The following DST variants were observed in gnomAD, a reference collection of about 807,000 sequenced individuals.
DST encodes the protein bullous pemphigoid antigen.
A neutral mutation model predicts 875.2 loss-of-function variants in DST; 253 were observed. That is an observed-to-expected ratio of 0.29 (90% CI 0.26 to 0.32). The LOEUF is 0.32. Ranked by LOEUF, DST falls within the 10% of genes least tolerant of loss-of-function variation. The pLI is 1.00. For synonymous variants in DST, 3,124 were observed against 3,197.1 expected (o/e 0.98, Z 0.77); for missense variants, 8,287 against 9,111.6 (o/e 0.91, Z 3.68).
chr6:56,476,046 T>G (rs2095174351), intron 92 of DST, 103 bp downstream of exon 92: 2 of 1,063,766 alleles, frequency 1.9e-6, no homozygotes, highest in African/African-American at 3.2e-5. Context: ...TCTGAAGAAG[T>G]GAAAATAACG....
chr6:56,535,173 C>T lies in DST; in HGVS notation c.16890G>A (p.Lys5630=). The T allele has an allele frequency of 2.5e-6, 4 of 1,613,866 alleles. No individual in the cohort carries two copies. Among genetic ancestry groups the T allele is most frequent in the South Asian group, 2.2e-5 (2 of 91,034 alleles). Reference sequence around the variant, plus strand: ...CCACTTTGAACTCAGCCGACGGGGGCTTCTGATTGGCCACAAGCTCCTCAG... The same window carrying T: ...CCACTTTGAACTCAGCCGACGGGGGTTTCTGATTGGCCACAAGCTCCTCAG... The part of the protein sequence containing the change: ...VDTEELVANQ[K]PPSAEFKVVK... Residue 5630 remains lysine (K), a synonymous_variant, in exon 63 of 104, where the codon AAG becomes AAA. Transcript: ENST00000680361.
intron 101 of DST, 150 bp from the exon 102 acceptor site, chr6:56,463,306 C>T (rs1259155134): frequency 1.6e-6 from 1 of 615,608 alleles, no homozygotes; most frequent in Non-Finnish European, 2.8e-6. Context: ...ATCATACACA[C>T]CAAAAAAATG....
At chr6:56,686,019 T>C (rs2099183874) in intron 9 of DST, among the ~76,000 whole-genome samples, 1 of 152,172 alleles carries the variant, frequency 6.6e-6, no homozygotes, top group Non-Finnish European at 1.5e-5. Context: ...CTAGTCACAA[T>C]AGCAAAGACA....
chr6:56,745,191 G>T (rs1364965798), intron 4 of DST, among the ~76,000 whole-genome samples: 14 of 152,170 alleles, frequency 9.2e-5, no homozygotes, highest in South Asian at 2.1e-4. Flanking sequence ...CTCCATAGGT[G>T]AAAGTATACA....
intron 93 of DST, among the ~76,000 whole-genome samples, chr6:56,472,701 T>A (rs1162481387): frequency 1.3e-5 from 2 of 152,148 alleles, no homozygotes; most frequent in African/African-American, 4.8e-5. Context: ...GCAAGACACT[T>A]CACAAATGCC....
At chr6:56,704,724 G>A (rs1357937905) in intron 5 of DST, among the ~76,000 whole-genome samples, 1 of 152,180 alleles carries the variant, frequency 6.6e-6, no homozygotes, top group Non-Finnish European at 1.5e-5. Context: ...ACAAGAGGGT[G>A]GAGTTTTCAC....
intron 4 of DST, among the ~76,000 whole-genome samples, chr6:56,786,267 G>A (rs2099705297): frequency 6.6e-6 from 1 of 152,132 alleles, no homozygotes; most frequent in Admixed American, 6.6e-5. Flanking sequence ...TTGCTTTCAG[G>A]TTCACCCATT....
chr6:56,703,623 G>A (rs1467876708), intron 7 of DST, 25 bp downstream of exon 7: 1 of 927,702 alleles, frequency 1.1e-6, no homozygotes, highest in Non-Finnish European at 1.3e-6. Flanking sequence ...GGCTAGGTTA[G>A]TCAAGTTATG....
At chr6:56,821,310 G>A (rs1405053159) in intron 4 of DST, among the ~76,000 whole-genome samples, 2 of 152,150 alleles carry the variant, frequency 1.3e-5, no homozygotes, top group South Asian at 2.1e-4. Context: ...TAAGTACTTC[G>A]ATTCATGTCA....
rs1479038868 is a variant in DST at position 56,484,913 on chromosome 6, A to G, written c.21207+399T>C. On this transcript the variant is annotated intron_variant, in intron 88 of 103. Coordinates refer to ENST00000680361, the MANE Select transcript of DST (RefSeq NM_001374736.1). Reference sequence around the variant, plus strand: ...CATGACCACCATGGGTCATGTCACAAATCTACATACTTATGCAATGACTTA... The same window carrying G: ...CATGACCACCATGGGTCATGTCACAGATCTACATACTTATGCAATGACTTA... 14 of 166,478 alleles carry G rather than the reference A, an allele frequency of 8.4e-5. No homozygotes were observed. The South Asian group carries it at 2.3e-3, about 27-fold the overall frequency. 10.3% of individuals were successfully genotyped at this position (166,478 alleles called of 1,614,324 possible).
intron 4 of DST, among the ~76,000 whole-genome samples, chr6:56,758,048 T>C (rs569022496): frequency 2.6e-5 from 4 of 152,316 alleles, no homozygotes; most frequent in Admixed American, 2.6e-4. Flanking sequence ...CTACCATTAA[T>C]ACAGCACAAA....
chr6:56,568,389 T>G (rs2152588808), intron 55 of DST, 80 bp downstream of exon 55: 1 of 1,467,632 alleles, frequency 6.8e-7, no homozygotes, highest in East Asian at 2.3e-5. Flanking sequence ...TATGCATTAA[T>G]TTAAAAAATA....
In DST at chr6:56,703,656, C is replaced by G. The variant is rs1378517759; in HGVS notation, c.868G>C (p.Asp290His). 1 of 984,306 alleles carries G rather than the reference C, an allele frequency of 1.0e-6. No homozygotes were observed. The highest frequency in any genetic ancestry group is 1.7e-5 in the African/African-American group (1 of 57,178). The allele number at this position is 984,306 out of a possible 1,614,324, so 61.0% of individuals were successfully genotyped here. A position where few individuals can be genotyped will look rare whatever the true frequency, so the allele number is the denominator to read the frequency against. Residue 290 changes from aspartate (D) to histidine (H), a missense_variant, in exon 7 of 104, where the codon GAT (aspartate) becomes CAT (histidine). Physicochemically the swap from Asp to His is moderately conservative, Grantham distance 81 (BLOSUM62 -1). Around this residue, in one of 10 missense-constraint regions of DST, gnomAD observed 1,160 missense variants for 1,424.3 expected, o/e 0.81. Coordinates refer to ENST00000680361, the MANE Select transcript of DST (RefSeq NM_001374736.1). ...YEQHEDVEDEDKGPREKGRMR... is the reference protein window; with the variant it reads ...YEQHEDVEDEHKGPREKGRMR... Reference sequence around the variant, plus strand: ...ATGGGGGCGACACCTACCCCCTTATCCTCATCCTCCACATCCTCATGCTGT... The same window carrying G: ...ATGGGGGCGACACCTACCCCCTTATGCTCATCCTCCACATCCTCATGCTGT...
chr6:56,601,559 G>GC lies in DST; in HGVS notation c.11424dup (p.Leu3809AlafsTer13). 1 of 1,603,986 alleles carries GC rather than the reference G, an allele frequency of 6.2e-7. No individual in the cohort carries two copies. Among genetic ancestry groups the GC allele is most frequent in the South Asian group, 1.1e-5 (1 of 89,390 alleles). ...TTCTGAGTTGTATTTAAGAGCCTCA[G>GC]CAGTTGTTTGCTTTGGTTGGGAGAC... On this transcript the variant is annotated frameshift_variant, in exon 44 of 104. Transcript: ENST00000680361. LOFTEE classifies it high-confidence loss of function.
intron 10 of DST, among the ~76,000 whole-genome samples, chr6:56,663,242 T>C (rs554163943): frequency 5.3e-5 from 8 of 152,334 alleles, no homozygotes; most frequent in African/African-American, 1.9e-4. Context: ...GTACATTAAC[T>C]CTAAGAATTT....
chr6:56,698,952 C>A (rs764414919), intron 9 of DST, among the ~76,000 whole-genome samples: 3 of 152,180 alleles, frequency 2.0e-5, no homozygotes, highest in African/African-American at 4.8e-5. Flanking sequence ...TCAGCCCATG[C>A]CCTTTTCCCC....
intron 4 of DST, among the ~76,000 whole-genome samples, chr6:56,845,945 G>A (rs2099806775): frequency 6.6e-6 from 1 of 152,238 alleles, no homozygotes; most frequent in Non-Finnish European, 1.5e-5. Flanking sequence ...GTATTCCATA[G>A]AGAAGAGGCA....
intron 5 of DST, among the ~76,000 whole-genome samples, chr6:56,717,027 C>T (rs1472169527): frequency 1.3e-5 from 2 of 151,792 alleles, no homozygotes; most frequent in Non-Finnish European, 2.9e-5. Flanking sequence ...TAAAAAAATA[C>T]AAAAAATTAG....
At chr6:56,882,432 T>C (rs1461992924) in intron 3 of DST, among the ~76,000 whole-genome samples, 1 of 152,214 alleles carries the variant, frequency 6.6e-6, no homozygotes, top group Admixed American at 6.5e-5. Flanking sequence ...GGCTAATATA[T>C]AAATAAAATT....
Sources: allele counts gnomAD v4.1 joint callset (sites outside exome capture counted in the v4.1 genomes callset), GRCh38; gene constraint gnomAD v4.1.1; regional missense constraint gnomAD v4.1.1; transcripts MANE v1.5; gene names NCBI Gene and HGNC (gene_info 2026-07-23, HGNC 2026-07-21).